ANKRD30B: variants seen among roughly 807,000 people sequenced by gnomAD.
The protein encoded by ANKRD30B is ankyrin repeat domain 30B.
Under a neutral mutation model 202.2 loss-of-function variants are expected in ANKRD30B, and 144 were observed. That is an observed-to-expected ratio of 0.71 (90% CI 0.62 to 0.82). The LOEUF is 0.82. Among genes scored for constraint, ANKRD30B ranks in the 40% least tolerant of loss-of-function variants. The pLI is 0.00. For missense variants in ANKRD30B, 1,487 were observed against 1,669.1 expected (o/e 0.89, Z 1.90); for synonymous variants, 508 against 561.3 (o/e 0.91, Z 1.34).
chr18:14,867,065 C>T, the ANKRD30B span, among the ~76,000 whole-genome samples: 150 of 146,782 alleles, frequency 1.0e-3, no homozygotes, highest in African/African-American at 3.6e-3. Flanking sequence ...GGGTGCAGTA[C>T]CCCGGGCGTT....
At chr18:14,910,239 C>A in the ANKRD30B span, 4 of 152,052 alleles carry the variant, frequency 2.6e-5, no homozygotes, top group Non-Finnish European at 5.9e-5. Flanking sequence ...CTCTGCCACC[C>A]TCCCACCTTT....
At chr18:14,763,552 A>G (rs1448042656) in intron 6 of ANKRD30B, 134 bp from the exon 7 acceptor site, 169 of 1,307,828 alleles carry the variant, frequency 1.3e-4, no homozygotes, top group East Asian at 1.8e-4. Context: ...TCCATCAAAA[A>G]AAAGAGAAGA....
chr18:14,819,700 C>G (rs28805001), intron 30 of ANKRD30B, among the ~76,000 whole-genome samples: 85,720 of 150,458 alleles, frequency 0.57, 25,052 homozygotes, highest in African/African-American at 0.71. Flanking sequence ...TCTGAGGGCT[C>G]TGTTCTGTTC....
At chr18:14,892,752 A>AAAG in the ANKRD30B span, among the ~76,000 whole-genome samples, 2 of 150,554 alleles carry the variant, frequency 1.3e-5, no homozygotes, top group Non-Finnish European at 3.0e-5. Flanking sequence ...CAAAAAAAAA[A>AAAG]AAAAAAAAAA....
At chr18:14,783,911 G>C (rs1387541225) in intron 12 of ANKRD30B, among the ~76,000 whole-genome samples, 1 of 152,038 alleles carries the variant, frequency 6.6e-6, no homozygotes, top group South Asian at 2.1e-4. Context: ...TCACTGATGA[G>C]ATGTCAATTC....
chr18:14,825,759 A>G (rs572490353), intron 32 of ANKRD30B, among the ~76,000 whole-genome samples: 2 of 152,342 alleles, frequency 1.3e-5, no homozygotes, highest in East Asian at 3.9e-4. Flanking sequence ...ATGTCTAACT[A>G]GGAAATATAA....
At chr18:14,810,296 A>G in intron 28 of ANKRD30B, 116 bp downstream of exon 28, 4 of 651,990 alleles carry the variant, frequency 6.1e-6, no homozygotes, top group Non-Finnish European at 9.7e-6. Context: ...GGAAAATTTG[A>G]TACAAATAAT....
intron 30 of ANKRD30B, among the ~76,000 whole-genome samples, chr18:14,820,397 A>G (rs892667496): frequency 6.6e-6 from 1 of 152,118 alleles, no homozygotes; most frequent in Non-Finnish European, 1.5e-5. Context: ...TTCCAACACT[A>G]TGTTGAACAG....
chr18:14,840,666 G>A lies in ANKRD30B; in HGVS notation c.3067G>A (p.Gly1023Ser), dbSNP rs1375319012. 6.6e-7 allele frequency: 1 copy of A among 1,523,810 alleles called. No homozygotes were observed. The highest frequency in any genetic ancestry group is 8.9e-7 in the Non-Finnish European group (1 of 1,129,368). The allele number at this position is 1,523,810 out of a possible 1,614,324, so 94.4% of individuals were successfully genotyped here. Residue 1023 changes from glycine (G) to serine (S), a missense_variant, in exon 37 of 44, where the codon GGC becomes AGC. Gly to Ser is a moderately conservative substitution (Grantham distance 56). Around this residue, in one of 6 missense-constraint regions of ANKRD30B, gnomAD observed 218 missense variants for 320.1 expected, o/e 0.68. Transcript: ENST00000690538. Reference sequence around the variant, plus strand: ...TCAAAAAGAAATAAAGACAACAAATGGCAAAATAGAAGGTAAGAACCATTT... The same window carrying A: ...TCAAAAAGAAATAAAGACAACAAATAGCAAAATAGAAGGTAAGAACCATTT... ...TYQKEIKTTN[G>S]KIEESPEKPS...
the ANKRD30B span, among the ~76,000 whole-genome samples, chr18:14,885,485 T>C: frequency 6.6e-6 from 1 of 152,054 alleles, no homozygotes; most frequent in Non-Finnish European, 1.5e-5. Context: ...AAATGTGCTG[T>C]CTGTGGTGGG....
chr18:14,775,460 G>T (rs1967299051), intron 9 of ANKRD30B, among the ~76,000 whole-genome samples: 2 of 152,162 alleles, frequency 1.3e-5, no homozygotes, highest in South Asian at 4.1e-4. Context: ...GCTCAACTTG[G>T]AACTTGAAAA....
At chr18:14,847,588 C>G (rs1598718474) in intron 39 of ANKRD30B, among the ~76,000 whole-genome samples, 1 of 139,432 alleles carries the variant, frequency 7.2e-6, no homozygotes, top group Non-Finnish European at 1.5e-5. Flanking sequence ...ACTTGTATCT[C>G]TAGAAGTGCA....
rs1913616555 is a variant in ANKRD30B, at chr18:14,752,557, C to T, written c.222-9C>T. 1.2e-6 allele frequency: 2 copies of T among 1,602,964 alleles called. No homozygotes were observed. The highest frequency in any genetic ancestry group is 1.3e-5 in the African/African-American group (1 of 74,602). ...TATACTTTGCCTAAAAGTCCTCTCA[C>T]TCTCGTAGGACTGCTCTACACTGGG... On this transcript the variant is annotated splice_polypyrimidine_tract_variant and intron_variant, in intron 1 of 43. Transcript: ENST00000690538.
At chr18:14,769,154 AG>A (rs1486297538) in intron 7 of ANKRD30B, among the ~76,000 whole-genome samples, 188 bp from the exon 8 acceptor site, 1 of 152,178 alleles carries the variant, frequency 6.6e-6, no homozygotes, top group Non-Finnish European at 1.5e-5. Flanking sequence ...TTTTAAATTA[AG>A]TTGAAGTCTC....
chr18:14,828,141 C>G, intron 32 of ANKRD30B, 137 bp from the exon 33 acceptor site: 1 of 670,944 alleles, frequency 1.5e-6, no homozygotes. Context: ...CTGGACCTCT[C>G]AGATGATCCT....
intron 7 of ANKRD30B, among the ~76,000 whole-genome samples, chr18:14,769,113 T>G (rs1165383492): frequency 6.6e-6 from 1 of 152,162 alleles, no homozygotes; most frequent in Non-Finnish European, 1.5e-5. Context: ...TTAAACAAGA[T>G]CTGGATCATG....
the ANKRD30B span, among the ~76,000 whole-genome samples, chr18:14,896,160 C>T: frequency 2.7e-5 from 4 of 149,774 alleles, no homozygotes; most frequent in African/African-American, 9.8e-5. Flanking sequence ...TTGAGGCACT[C>T]TCACTCTGTC....
At chr18:14,866,446 G>A in the ANKRD30B span, among the ~76,000 whole-genome samples, 41 of 152,236 alleles carry the variant, frequency 2.7e-4, no homozygotes, top group East Asian at 1.7e-3. Context: ...CAGCCGGGGC[G>A]GTAGGAGTGC....
intron 39 of ANKRD30B, among the ~76,000 whole-genome samples, chr18:14,846,360 G>T (rs1376718970): frequency 6.6e-6 from 1 of 151,652 alleles, no homozygotes; most frequent in Non-Finnish European, 1.5e-5. Flanking sequence ...GATTGCTTTT[G>T]GGTCAGGTAA....
Sources: gnomAD v4.1 joint callset for allele counts (sites outside exome capture counted in the v4.1 genomes callset) on GRCh38, gnomAD v4.1.1 for gene constraint, gnomAD v4.1.1 regional missense constraint, MANE v1.5 for transcripts, NCBI Gene and HGNC (gene_info 2026-07-23, HGNC 2026-07-21) for gene names.